Variants in GGT1 observed in about 807,000 individuals in gnomAD.
GGT1 encodes the protein glutathione hydrolase 1 proenzyme.
GGT1 carries 21 observed loss-of-function variants against 56.0 expected under a neutral mutation model. That is an observed-to-expected ratio of 0.38 (90% CI 0.27 to 0.54). The LOEUF is 0.54. Among genes scored for constraint, GGT1 ranks in the 20% least tolerant of loss-of-function variants. The pLI, the probability that GGT1 is intolerant of heterozygous loss-of-function variation, is 0.82. For missense variants in GGT1, 466 were observed against 787.0 expected, an observed-to-expected ratio of 0.59 and a Z score of 4.88; for synonymous variants, 238 against 342.6, an observed-to-expected ratio of 0.69 and a Z score of 3.37.
chr22:24,626,880 T>A (rs1569066169), intron 11 of GGT1, among the ~76,000 whole-genome samples: 1 of 149,966 alleles, frequency 6.7e-6, no homozygotes, highest in East Asian at 1.9e-4. Flanking sequence ...CTCCATTCAC[T>A]CTCTGCCTAT....
the GGT1 span, chr22:24,586,066 G>A: frequency 1.2e-6 from 2 of 1,612,096 alleles, no homozygotes; most frequent in African/African-American, 1.3e-5. Flanking sequence ...GCAGGGGCTG[G>A]GGCAGGGAAG....
chr22:24,587,255 T>C, the GGT1 span, among the ~76,000 whole-genome samples: 18 of 152,194 alleles, frequency 1.2e-4, no homozygotes, highest in Non-Finnish European at 2.5e-4. Flanking sequence ...GGGGAGGTCC[T>C]GGGTGTGCAG....
intron 7 of GGT1, among the ~76,000 whole-genome samples, chr22:24,617,347 C>T (rs1442154233): frequency 6.6e-6 from 1 of 152,118 alleles, no homozygotes; most frequent in Non-Finnish European, 1.5e-5. Context: ...ATGGTGAAGC[C>T]TCTGCTTCCT....
At chr22:24,600,635 A>T (rs1232148765), upstream of GGT1, among the ~76,000 whole-genome samples, 1 of 152,248 alleles carries the variant, frequency 6.6e-6, no homozygotes, top group African/African-American at 2.4e-5. Flanking sequence ...AGTTCTGCCC[A>T]TGCCCACAGC....
At chr22:24,599,851 C>T (rs868118235), upstream of GGT1, among the ~76,000 whole-genome samples, 3 of 152,194 alleles carry the variant, frequency 2.0e-5, no homozygotes, top group African/African-American at 4.8e-5. Flanking sequence ...GCATGGCATG[C>T]GTGGAAAGTG....
At chr22:24,617,497 G>A (rs2047147107) in intron 7 of GGT1, among the ~76,000 whole-genome samples, 1 of 151,898 alleles carries the variant, frequency 6.6e-6, no homozygotes, top group Non-Finnish European at 1.5e-5. Flanking sequence ...CGTGGAGAGG[G>A]TGCTGGGAAG....
At chr22:24,605,586 A>T (rs530563480) in intron 1 of GGT1, among the ~76,000 whole-genome samples, 1 of 31,242 alleles carries the variant, frequency 3.2e-5, no homozygotes, top group African/African-American at 3.8e-4. Flanking sequence ...TATTATATAT[A>T]TAATATTATA....
At chr22:24,616,749 G>C (rs570477897) in intron 7 of GGT1, among the ~76,000 whole-genome samples, 10 of 151,934 alleles carry the variant, frequency 6.6e-5, no homozygotes, top group African/African-American at 2.2e-4. Context: ...TTTTCACTAT[G>C]TTGCCCAGGC....
chr22:24,611,168 C>T lies in GGT1; in HGVS notation c.87C>T (p.Ala29=). The T allele has an allele frequency of 6.3e-7, 1 of 1,596,106 alleles. No individual in the cohort carries two copies. The change falls in exon 5 of 16, where the codon GCC becomes GCT. Residue 29 remains alanine (A), a synonymous_variant. Coordinates refer to ENST00000400382, the MANE Select transcript of GGT1 (RefSeq NM_001288833.2). ...IVGLCLWLPS[A]SKEPDNHVYT... The stretch of plus-strand genomic sequence containing the variant: ...GCCTCTGTCTCTGGCTGCCCTCAGC[C>T]TCCAAGGAACCTGACAACCATGTGT...
Position 24,622,520 on chromosome 22 carries a change from C to T in GGT1, c.734-587C>T, listed in dbSNP as rs369300644. 6.5e-4 allele frequency among the ~76,000 whole-genome samples: 99 copies of T among 152,162 alleles called. No individual in the cohort carries two copies. In the South Asian group the frequency reaches 0.019, roughly 30 times the overall value. ...TGGAGCTTGCAGTGAGCCGATATCG[C>T]GCCACTGCACTCCAGCCTGGGCGAT... On this transcript the variant is annotated intron_variant, in intron 9 of 15. Coordinates refer to ENST00000400382, the MANE Select transcript of GGT1 (RefSeq NM_001288833.2).
At chr22:24,589,995 A>G, upstream of GGT1, 6 of 1,508,694 alleles carry the variant, frequency 4.0e-6, no homozygotes, top group Non-Finnish European at 5.3e-6. Flanking sequence ...TGGGTCTCCC[A>G]TCTCGAGGCA....
At chr22:24,613,760 A>AG (rs2046865248) in intron 5 of GGT1, among the ~76,000 whole-genome samples, 1 of 149,512 alleles carries the variant, frequency 6.7e-6, no homozygotes, top group African/African-American at 2.5e-5. Context: ...AGAAAAAAAA[A>AG]AAGAAAGAAA....
upstream of GGT1, chr22:24,592,884 C>T (rs1237734557): frequency 1.6e-6 from 2 of 1,282,310 alleles, no homozygotes; most frequent in Non-Finnish European, 9.9e-7. Context: ...GGCGCAGCAG[C>T]TGCCGGGCGC....
intron 1 of GGT1, among the ~76,000 whole-genome samples, chr22:24,595,423 C>G (rs1203553803): frequency 6.6e-6 from 1 of 152,198 alleles, no homozygotes; most frequent in African/African-American, 2.4e-5. Context: ...GGCTGCTGGC[C>G]CGTCTCCCTG....
At chr22:24,589,365 C>G in the GGT1 span, 1 of 1,129,156 alleles carries the variant, frequency 8.9e-7, no homozygotes, top group Admixed American at 4.8e-5. Context: ...GAGCACCCGT[C>G]CGCAAGGGTG....
chr22:24,613,880 T>A (rs1201316777), intron 5 of GGT1, among the ~76,000 whole-genome samples: 3 of 152,034 alleles, frequency 2.0e-5, no homozygotes, highest in Non-Finnish European at 4.4e-5. Context: ...AAAGACCCTA[T>A]CTCTACAAAA....
the GGT1 span, chr22:24,589,774 CT>C: frequency 5.2e-6 from 8 of 1,544,492 alleles, no homozygotes; most frequent in South Asian, 2.4e-5. Flanking sequence ...GTTGGCCCCC[CT>C]GTCCACCACA....
chr22:24,599,010 A>T (rs5760490), upstream of GGT1, among the ~76,000 whole-genome samples: 30,812 of 152,142 alleles, frequency 0.2, 3,885 homozygotes, highest in Admixed American at 0.32. Flanking sequence ...CAAGTGATCC[A>T]CCCACCTCGT....
chr22:24,613,421 C>T (rs567722193), intron 5 of GGT1, among the ~76,000 whole-genome samples: 2 of 152,192 alleles, frequency 1.3e-5, no homozygotes, highest in African/African-American at 4.8e-5. Flanking sequence ...CTTTTTGTCC[C>T]AGTTATAAAA....
Sources: gnomAD v4.1 joint callset for allele counts (sites outside exome capture counted in the v4.1 genomes callset) on GRCh38, gnomAD v4.1.1 for gene constraint, MANE v1.5 for transcripts, NCBI Gene and HGNC (gene_info 2026-07-23, HGNC 2026-07-21) for gene names.